RAPGEF5: variants seen among roughly 807,000 people sequenced by gnomAD.
The protein encoded by RAPGEF5 is M-Ras-regulated GEF.
In RAPGEF5, 65 loss-of-function variants were observed where a neutral mutation model predicts 125.2. The ratio of observed to expected loss-of-function variants is 0.52; its 90% CI spans 0.43 to 0.64. The LOEUF is 0.64. Among genes scored for constraint, RAPGEF5 ranks in the 30% least tolerant of loss-of-function variants. The pLI is 0.00. For missense variants in RAPGEF5, 958 were observed against 1,048.1 expected (o/e 0.91, Z 1.19); for synonymous variants, 391 against 385.9 (o/e 1.01, Z -0.16).
chr7:22,249,152 AC>A (rs1197025713), intron 7 of RAPGEF5, among the ~76,000 whole-genome samples: 1 of 152,168 alleles, frequency 6.6e-6, no homozygotes, highest in Non-Finnish European at 1.5e-5. Context: ...TAGTTCAGAT[AC>A]ACTTAATTGG....
chr7:22,185,402 A>G (rs1447951814), intron 11 of RAPGEF5, among the ~76,000 whole-genome samples: 1 of 152,250 alleles, frequency 6.6e-6, no homozygotes, highest in Non-Finnish European at 1.5e-5. Flanking sequence ...CTCTGCTTTT[A>G]TAAGTGAAAC....
chr7:22,210,242 T>C (rs1272209034), intron 9 of RAPGEF5, among the ~76,000 whole-genome samples: 2 of 152,212 alleles, frequency 1.3e-5, no homozygotes, highest in African/African-American at 4.8e-5. Context: ...GAGAAAGTGA[T>C]AGCATCCAGC....
At chr7:22,274,552 A>C (rs1782513032) in intron 6 of RAPGEF5, among the ~76,000 whole-genome samples, 1 of 151,110 alleles carries the variant, frequency 6.6e-6, no homozygotes, top group African/African-American at 2.4e-5. Context: ...CTGGTCTTAA[A>C]CTCCTGGGCT....
intron 12 of RAPGEF5, 130 bp from the exon 13 acceptor site, chr7:22,162,671 T>C (rs528229565): frequency 2.2e-6 from 2 of 921,748 alleles, no homozygotes; most frequent in African/African-American, 1.7e-5. Context: ...AGAATATGCG[T>C]AGGGAGAGCA....
intron 7 of RAPGEF5, among the ~76,000 whole-genome samples, chr7:22,255,535 G>A (rs1414283946): frequency 6.6e-6 from 1 of 152,126 alleles, no homozygotes; most frequent in Non-Finnish European, 1.5e-5. Flanking sequence ...AGATTGCAGT[G>A]AGCCATGATC....
Position 22,119,588 on chromosome 7 carries a change from G to C in RAPGEF5, c.*2818C>G, listed in dbSNP as rs1583371907. 1 of 152,120 alleles carries C rather than the reference G, an allele frequency of 6.6e-6. No individual in the cohort carries two copies. The highest frequency in any genetic ancestry group is 1.9e-4 in the East Asian group (1 of 5,198). The allele number at this position is 152,120 out of a possible 1,614,324, so 9.4% of individuals were successfully genotyped here. A position where few individuals can be genotyped will look rare whatever the true frequency, so the allele number is the denominator to read the frequency against. On this transcript the variant is annotated 3_prime_UTR_variant, in exon 26 of 26. Coordinates refer to ENST00000665637, the MANE Select transcript of RAPGEF5 (RefSeq NM_012294.5). This position sits in a 1 kb window ranked among gnomAD's most constrained non-coding sequence, Gnocchi z 4.1. ...CTGTCTTGTGCTAACTTCTAAGCAG[G>C]GCTAGTTTGCTGGAATGCTGACGAA...
At position 22,197,576 on chromosome 7, in the gene RAPGEF5, A is replaced by G. The variant is rs77356309; in HGVS notation, c.997-3543T>C. On this transcript the variant is annotated intron_variant, in intron 9 of 25. Coordinates refer to ENST00000665637, the MANE Select transcript of RAPGEF5 (RefSeq NM_012294.5). ...CACTTCAAGAATCACCTCCTCCAGG[A>G]AGCCCCCTGGTCTTCAGTTTGATCT... Among the ~76,000 whole-genome samples the G allele has an allele frequency of 9.9e-4, 150 of 152,276 alleles. 1 individual carries two copies. The highest frequency in any genetic ancestry group is 3.6e-3 in the African/African-American group (148 of 41,544).
At chr7:22,343,272 G>A (rs137988100) in intron 1 of RAPGEF5, among the ~76,000 whole-genome samples, 139 of 152,038 alleles carry the variant, frequency 9.1e-4, no homozygotes, top group Middle Eastern at 3.4e-3. Context: ...CCCATGATTC[G>A]GTTACCTCCC....
At chr7:22,145,919 C>T (rs1351184423) in intron 19 of RAPGEF5, among the ~76,000 whole-genome samples, 1 of 151,952 alleles carries the variant, frequency 6.6e-6, no homozygotes, top group Non-Finnish European at 1.5e-5. Flanking sequence ...TATAGATGGA[C>T]CATGTGCAAA....
intron 1 of RAPGEF5, among the ~76,000 whole-genome samples, chr7:22,340,939 A>G (rs1230797148): frequency 6.6e-6 from 1 of 152,226 alleles, no homozygotes; most frequent in Admixed American, 6.5e-5. Context: ...AAGGGTTCAT[A>G]CACTTGAACT....
At chr7:22,127,706 G>A (rs909516132) in intron 24 of RAPGEF5, among the ~76,000 whole-genome samples, 1 of 152,114 alleles carries the variant, frequency 6.6e-6, no homozygotes, top group Non-Finnish European at 1.5e-5. Flanking sequence ...CATCTTTCAT[G>A]TCCCAACTAT....
chr7:22,156,975 C>G (rs926496736), intron 15 of RAPGEF5, 87 bp from the exon 16 acceptor site: 2 of 1,539,772 alleles, frequency 1.3e-6, no homozygotes, highest in Non-Finnish European at 1.8e-6. Flanking sequence ...TCCAAAAGAA[C>G]TAGCCAAATT....
In RAPGEF5 at chr7:22,177,237, G is replaced by A. The variant is rs183377100; in HGVS notation, c.1205-10089C>T. ...ACATAAGGCATCCTCCACACCCCAGGCTGATGAATATCACACTCCTGTGAA... is the reference window on the plus strand; with the variant it reads ...ACATAAGGCATCCTCCACACCCCAGACTGATGAATATCACACTCCTGTGAA... On this transcript the variant is annotated intron_variant, in intron 11 of 25. Transcript: ENST00000665637. 2.1e-3 allele frequency among the ~76,000 whole-genome samples: 319 copies of A among 152,176 alleles called. 2 individuals are homozygous for A. The highest frequency in any genetic ancestry group is 6.1e-3 in the Admixed American group (93 of 15,270).
At chr7:22,276,526 T>C (rs1038323198) in intron 6 of RAPGEF5, among the ~76,000 whole-genome samples, 1 of 152,236 alleles carries the variant, frequency 6.6e-6, no homozygotes, top group African/African-American at 2.4e-5. Context: ...GACAGATTCC[T>C]GTAGAACCTT....
chr7:22,198,605 G>A (rs1021064207), intron 9 of RAPGEF5, among the ~76,000 whole-genome samples: 5 of 152,130 alleles, frequency 3.3e-5, no homozygotes, highest in African/African-American at 9.7e-5. Flanking sequence ...TAATGGTAGA[G>A]GTAATGACAA....
At chr7:22,207,942 A>G (rs1168196772) in intron 9 of RAPGEF5, among the ~76,000 whole-genome samples, 1 of 152,186 alleles carries the variant, frequency 6.6e-6, no homozygotes, top group African/African-American at 2.4e-5. Flanking sequence ...GAATGTGAGA[A>G]AACAATTTTC....
intron 7 of RAPGEF5, among the ~76,000 whole-genome samples, chr7:22,248,710 C>T (rs564225932): frequency 6.6e-6 from 1 of 152,292 alleles, no homozygotes; most frequent in Non-Finnish European, 1.5e-5. Context: ...CTCTGTAAGG[C>T]CTCTCACACA....
intron 11 of RAPGEF5, among the ~76,000 whole-genome samples, chr7:22,185,860 T>C (rs1246206311): frequency 1.4e-5 from 2 of 138,084 alleles, no homozygotes; most frequent in Non-Finnish European, 3.2e-5. Context: ...ATTAATCTAA[T>C]TTTTTTTTTT....
intron 9 of RAPGEF5, among the ~76,000 whole-genome samples, chr7:22,208,813 T>C (rs1351921733): frequency 6.6e-6 from 1 of 152,186 alleles, no homozygotes; most frequent in Non-Finnish European, 1.5e-5. Flanking sequence ...TTTTGCTACG[T>C]TCTTCTCCAA....
Sources: allele counts gnomAD v4.1 joint callset (sites outside exome capture counted in the v4.1 genomes callset), GRCh38; gene constraint gnomAD v4.1.1; non-coding constraint Gnocchi (gnomAD v3.1); transcripts MANE v1.5; gene names NCBI Gene and HGNC (gene_info 2026-07-23, HGNC 2026-07-21).